DLC1: variants seen among roughly 807,000 people sequenced by gnomAD.
DLC1 encodes DLC1 Rho GTPase activating protein.
Under a neutral mutation model 140.3 loss-of-function variants are expected in DLC1, and 54 were observed. The observed-to-expected ratio is 0.38, with a 90% CI of 0.31 to 0.48. The LOEUF is 0.48. Ranked by LOEUF, DLC1 falls within the 20% of genes least tolerant of loss-of-function variation. The pLI, the probability that DLC1 is intolerant of heterozygous loss-of-function variation, is 0.96. For synonymous variants in DLC1, 986 were observed against 728.1 expected (o/e 1.35, Z -5.70); for missense variants, 2,536 against 1,907.0 (o/e 1.33, Z -6.14).
At chr8:13,338,737 C>CA (rs1356597436) in intron 4 of DLC1, 1 of 152,186 alleles carries the variant, frequency 6.6e-6, no homozygotes, top group East Asian at 1.9e-4. Context: ...AGTGGTTCCA[C>CA]ACCCAGATCA....
At position 13,283,752 on chromosome 8, in the gene DLC1, C is replaced by T. The variant is rs146747572; in HGVS notation, c.1348+21517G>A. 1.4e-4 allele frequency among the ~76,000 whole-genome samples: 22 copies of T among 152,258 alleles called. No homozygotes were observed. In the East Asian group the frequency reaches 4.1e-3, roughly 28 times the overall value. On this transcript the variant is annotated intron_variant, in intron 5 of 17. Transcript: ENST00000276297. Reference sequence around the variant, plus strand: ...ATGGCCTCAAACTCATGGGCTCAAACGATTCTCCCGCCTCTGCCTCCCAAA... The same window carrying T: ...ATGGCCTCAAACTCATGGGCTCAAATGATTCTCCCGCCTCTGCCTCCCAAA...
chr8:13,316,797 C>G (rs570475409), intron 4 of DLC1, among the ~76,000 whole-genome samples: 6 of 152,274 alleles, frequency 3.9e-5, no homozygotes, highest in African/African-American at 1.2e-4. Context: ...CCACTACTAA[C>G]CCCCAACTGA....
chr8:13,148,253 A>G (rs1359747360), intron 5 of DLC1, among the ~76,000 whole-genome samples: 1 of 152,094 alleles, frequency 6.6e-6, no homozygotes, highest in Non-Finnish European at 1.5e-5. Context: ...CCAGTACCCA[A>G]TAGTGATCTT....
intron 1 of DLC1, among the ~76,000 whole-genome samples, chr8:13,577,637 T>A (rs1804890383): frequency 6.6e-6 from 1 of 152,222 alleles, no homozygotes; most frequent in Non-Finnish European, 1.5e-5. Context: ...AATACTTTTA[T>A]GTTTTTGTTA....
At chr8:13,402,946 A>C (rs972212769) in intron 2 of DLC1, among the ~76,000 whole-genome samples, 1 of 152,240 alleles carries the variant, frequency 6.6e-6, no homozygotes, top group Non-Finnish European at 1.5e-5. Flanking sequence ...ATTATCTTTC[A>C]CATGTCGGAT....
chr8:13,288,916 T>A (rs989925533), intron 5 of DLC1, among the ~76,000 whole-genome samples: 2 of 152,202 alleles, frequency 1.3e-5, no homozygotes, highest in African/African-American at 4.8e-5. Context: ...AAAGTTTATA[T>A]CAGTTTTTAT....
chr8:13,449,090 T>C (rs934873016), intron 2 of DLC1, among the ~76,000 whole-genome samples: 5 of 152,196 alleles, frequency 3.3e-5, no homozygotes, highest in African/African-American at 1.2e-4. Flanking sequence ...CCACAATCAT[T>C]CCAGAGGTTA....
intron 4 of DLC1, among the ~76,000 whole-genome samples, chr8:13,387,831 A>G (rs1457389269): frequency 6.6e-6 from 1 of 152,002 alleles, no homozygotes; most frequent in Non-Finnish European, 1.5e-5. Context: ...TACCTGCAGC[A>G]TATTTATTAT....
chr8:13,241,686 GC>G (rs1829550802), intron 5 of DLC1, among the ~76,000 whole-genome samples: 1 of 152,164 alleles, frequency 6.6e-6, no homozygotes, highest in Non-Finnish European at 1.5e-5. Context: ...GACAAAGGAT[GC>G]CGGTTGAGAA....
At chr8:13,567,314 C>T in intron 1 of DLC1, 1 of 1,551,662 alleles carries the variant, frequency 6.4e-7, no homozygotes. Flanking sequence ...ACCAAACTTC[C>T]AACAGAAATC....
intron 5 of DLC1, among the ~76,000 whole-genome samples, chr8:13,192,517 C>T (rs1232518994): frequency 6.6e-6 from 1 of 152,170 alleles, no homozygotes; most frequent in Non-Finnish European, 1.5e-5. Context: ...AACACAGCTT[C>T]TCCTCTCCCC....
At chr8:13,414,956 G>T (rs370114202) in intron 2 of DLC1, among the ~76,000 whole-genome samples, 2 of 151,844 alleles carry the variant, frequency 1.3e-5, no homozygotes, top group African/African-American at 4.8e-5. Flanking sequence ...GATTACAGGC[G>T]TGCGCCACCA....
At position 13,099,437 on chromosome 8, in the gene DLC1, G is replaced by C; in HGVS notation, c.2900C>G (p.Thr967Arg). Residue 967 changes from threonine (T) to arginine (R), a missense_variant, in exon 9 of 18, where the codon ACA becomes AGA. Physicochemically the swap from Thr to Arg is moderately conservative, Grantham distance 71. Coordinates refer to ENST00000276297, the MANE Select transcript of DLC1 (RefSeq NM_182643.3). ...TTCCGGTTCATTCAGGGAGTTGCCT[G>C]TGCTGTCCAGGTCGCTGGGTGTGGT... is the stretch of plus-strand genomic sequence containing the variant. Reference protein sequence around the residue: ...DRTTPSDLDSTGNSLNEPEEP... With the variant: ...DRTTPSDLDSRGNSLNEPEEP... 6.2e-7 allele frequency: 1 copy of C among 1,614,148 alleles called. No individual in the cohort carries two copies. The highest frequency in any genetic ancestry group is 8.5e-7 in the Non-Finnish European group (1 of 1,180,024).
chr8:13,434,785 C>T (rs565295080), intron 2 of DLC1, among the ~76,000 whole-genome samples: 3 of 152,202 alleles, frequency 2.0e-5, no homozygotes, highest in South Asian at 4.1e-4. Context: ...CTCAGGCAAT[C>T]TTCTCACCTC....
At chr8:13,579,280 A>ATATG (rs1804961113) in intron 1 of DLC1, among the ~76,000 whole-genome samples, 1 of 83,098 alleles carries the variant, frequency 1.2e-5, no homozygotes, top group Non-Finnish European at 2.4e-5. Context: ...GCACATATCT[A>ATATG]CCTGGACTTA....
chr8:13,399,014 G>T (rs957067553), intron 3 of DLC1, among the ~76,000 whole-genome samples: 16 of 152,130 alleles, frequency 1.1e-4, no homozygotes, highest in Non-Finnish European at 1.5e-5. Flanking sequence ...TGTGGGAGAA[G>T]ATCCAGGGAG....
At chr8:13,111,312 T>C (rs1820091112) in intron 6 of DLC1, among the ~76,000 whole-genome samples, 1 of 152,160 alleles carries the variant, frequency 6.6e-6, no homozygotes, top group Non-Finnish European at 1.5e-5. Flanking sequence ...TCCACTCACA[T>C]GGCATCAAGA....
chr8:13,267,828 A>G (rs1830754606), intron 5 of DLC1, among the ~76,000 whole-genome samples: 1 of 151,830 alleles, frequency 6.6e-6, no homozygotes. Flanking sequence ...GAACCAAGAG[A>G]GAAGGGTTAC....
chr8:13,181,586 G>A (rs1299716872), intron 5 of DLC1, among the ~76,000 whole-genome samples: 2 of 151,420 alleles, frequency 1.3e-5, no homozygotes, highest in East Asian at 2.0e-4. Context: ...AACATGTGGT[G>A]TTTGGTTTTC....
Sources: gnomAD v4.1 joint callset for allele counts (sites outside exome capture counted in the v4.1 genomes callset) on GRCh38, gnomAD v4.1.1 for gene constraint, MANE v1.5 for transcripts, NCBI Gene and HGNC (gene_info 2026-07-23, HGNC 2026-07-21) for gene names.